MOSMO: variants seen among roughly 807,000 people sequenced by gnomAD.
MOSMO encodes modulator of smoothened.
In MOSMO, 5 loss-of-function variants were observed where a neutral mutation model predicts 18.4. The ratio of observed to expected loss-of-function variants is 0.27; its 90% confidence interval spans 0.14 to 0.57. The LOEUF is 0.57. Among genes scored for constraint, MOSMO ranks in the 20% least tolerant of loss-of-function variants. The probability of loss-of-function intolerance (pLI) is 0.92; values close to 1 mark genes in which losing one functional copy is unlikely to be tolerated. For missense variants in MOSMO, 138 were observed against 211.8 expected (o/e 0.65, Z 2.16); for synonymous variants, 82 against 82.3 (o/e 1.00, Z 0.02).
At chr16:22,088,491 C>G (rs1901230584), downstream of MOSMO, among the ~76,000 whole-genome samples, 3 of 152,120 alleles carry the variant, frequency 2.0e-5, no homozygotes, top group South Asian at 6.2e-4. Context: ...TGAACTTAGG[C>G]CTTGGATAAC....
At chr16:22,028,535 A>T (rs1412389771) in intron 1 of MOSMO, among the ~76,000 whole-genome samples, 1 of 152,138 alleles carries the variant, frequency 6.6e-6, no homozygotes, top group African/African-American at 2.4e-5. Flanking sequence ...CTCTACACCC[A>T]TTAAACAACT....
chr16:22,090,532 C>T (rs756402564), downstream of MOSMO, among the ~76,000 whole-genome samples: 1 of 152,180 alleles, frequency 6.6e-6, no homozygotes, highest in East Asian at 1.9e-4. Flanking sequence ...ACAGTTACTT[C>T]AGGCTACTGC....
chr16:22,081,765 C>T lies in MOSMO; in HGVS notation c.*885C>T, dbSNP rs1901088997. On this transcript the variant is annotated 3_prime_UTR_variant, in exon 3 of 3. Coordinates refer to ENST00000542527, the MANE Select transcript of MOSMO (RefSeq NM_001164579.2). ...CCCAATAGAAAAAAAAGCCATTTAT[C>T]TGAAGGCTGCATAGTGGAGAGAGTC... The T allele has an allele frequency of 6.6e-6, 1 of 151,906 alleles. No homozygotes were observed. Among genetic ancestry groups the T allele is most frequent in the Admixed American group, 6.6e-5 (1 of 15,226 alleles). 9.4% of individuals were successfully genotyped at this position (151,906 alleles called of 1,614,324 possible). A position where few individuals can be genotyped will look rare whatever the true frequency, so the allele number is the denominator to read the frequency against.
At chr16:22,045,374 C>T (rs904755190) in intron 1 of MOSMO, among the ~76,000 whole-genome samples, 4 of 151,960 alleles carry the variant, frequency 2.6e-5, no homozygotes, top group African/African-American at 7.3e-5. Context: ...AGAAAGGCAG[C>T]GCTGGGGCTA....
chr16:22,034,366 TTATC>T (rs1900058845), intron 1 of MOSMO, among the ~76,000 whole-genome samples: 1 of 152,340 alleles, frequency 6.6e-6, no homozygotes, highest in East Asian at 1.9e-4. Flanking sequence ...TCTCTAAAGA[TTATC>T]TGTTATCATT....
At chr16:22,046,519 C>G (rs1469473954) in intron 1 of MOSMO, among the ~76,000 whole-genome samples, 2 of 152,128 alleles carry the variant, frequency 1.3e-5, no homozygotes, top group African/African-American at 2.4e-5. Context: ...TATATGTCAA[C>G]AGTATTGTGC....
chr16:22,028,168 G>A (rs957252548), intron 1 of MOSMO, among the ~76,000 whole-genome samples: 2 of 151,880 alleles, frequency 1.3e-5, no homozygotes, highest in African/African-American at 4.8e-5. Context: ...CCTTCTTCAA[G>A]TTTTCAGAAT....
intron 1 of MOSMO, among the ~76,000 whole-genome samples, chr16:22,062,239 G>A (rs1296352211): frequency 6.7e-6 from 1 of 149,044 alleles, no homozygotes; most frequent in Non-Finnish European, 1.5e-5. Context: ...ATAAATTTAA[G>A]AGAATACTAA....
At chr16:22,091,035 TAA>T (rs895568107), downstream of MOSMO, among the ~76,000 whole-genome samples, 1 of 143,868 alleles carries the variant, frequency 7.0e-6, no homozygotes, top group East Asian at 2.0e-4. Flanking sequence ...CTCCCGTGCC[TAA>T]AAAAAAAAAA....
chr16:22,085,943 T>C (rs1901164816), downstream of MOSMO: 1 of 152,200 alleles, frequency 6.6e-6, no homozygotes, highest in African/African-American at 2.4e-5. Flanking sequence ...GAAGAGATTT[T>C]TCACAAGACT....
intron 1 of MOSMO, among the ~76,000 whole-genome samples, chr16:22,022,327 G>A (rs1043037525): frequency 6.6e-6 from 1 of 151,972 alleles, no homozygotes; most frequent in African/African-American, 2.4e-5. Flanking sequence ...AGGCCCTGCC[G>A]GTATCACTTT....
intron 1 of MOSMO, among the ~76,000 whole-genome samples, chr16:22,014,696 CTTCAAA>C (rs1326060136): frequency 1.3e-5 from 2 of 152,158 alleles, no homozygotes; most frequent in African/African-American, 4.8e-5. Flanking sequence ...ACTGTAACAA[CTTCAAA>C]GGTCACAAAG....
chr16:22,011,139 C>T (rs1899519287), intron 1 of MOSMO, among the ~76,000 whole-genome samples: 1 of 152,158 alleles, frequency 6.6e-6, no homozygotes, highest in African/African-American at 2.4e-5. Context: ...GTTTGTCTAG[C>T]AGCACTGATG....
chr16:22,023,546 T>C (rs1899807204), intron 1 of MOSMO, among the ~76,000 whole-genome samples: 2 of 152,160 alleles, frequency 1.3e-5, no homozygotes, highest in Admixed American at 6.6e-5. Flanking sequence ...CTGCTTTTTT[T>C]CTCTTTTTAT....
chr16:22,047,344 A>G (rs534363371), intron 1 of MOSMO, among the ~76,000 whole-genome samples: 1 of 146,870 alleles, frequency 6.8e-6, no homozygotes, highest in South Asian at 2.1e-4. Context: ...TCCCAGGTTC[A>G]TGCCATTCTC....
At chr16:22,053,802 C>CA (rs1000581821) in intron 1 of MOSMO, among the ~76,000 whole-genome samples, 41 of 149,350 alleles carry the variant, frequency 2.7e-4, no homozygotes, top group Admixed American at 7.3e-4. Context: ...GACTCCGTCT[C>CA]AAAAAAAAAG....
intron 1 of MOSMO, among the ~76,000 whole-genome samples, chr16:22,062,252 T>TA (rs1900658902): frequency 7.4e-6 from 1 of 135,220 alleles, no homozygotes; most frequent in African/African-American, 3.0e-5. Flanking sequence ...AATACTAAAA[T>TA]AAAAAATATA....
intron 1 of MOSMO, among the ~76,000 whole-genome samples, chr16:22,013,557 G>A (rs921513766): frequency 2.0e-5 from 3 of 152,020 alleles, no homozygotes; most frequent in Admixed American, 6.6e-5. Context: ...GTAAAGCTGC[G>A]TCTCTGATAA....
chr16:22,024,016 T>TATATA (rs57968547), intron 1 of MOSMO, among the ~76,000 whole-genome samples: 1 of 145,588 alleles, frequency 6.9e-6, no homozygotes, highest in Non-Finnish European at 1.5e-5. Context: ...TATATATATA[T>TATATA]TTTCTTAAGA....
Sources: allele counts gnomAD v4.1 joint callset (sites outside exome capture counted in the v4.1 genomes callset), GRCh38; gene constraint gnomAD v4.1.1; transcripts MANE v1.5; gene names NCBI Gene and HGNC (gene_info 2026-07-23, HGNC 2026-07-21).